Variants in PAFAH1B2 observed in about 807,000 individuals in gnomAD.
The protein encoded by PAFAH1B2 is platelet-activating factor acetylhydrolase IB subunit alpha2.
In PAFAH1B2, 8 loss-of-function variants were observed where a neutral mutation model predicts 28.0. The observed-to-expected ratio is 0.29, with a 90% CI of 0.17 to 0.52. PAFAH1B2 has a LOEUF of 0.52. Ranked by LOEUF, PAFAH1B2 falls within the 20% of genes least tolerant of loss-of-function variation. The probability of loss-of-function intolerance (pLI) is 0.97; values close to 1 mark genes in which losing one functional copy is unlikely to be tolerated. For synonymous variants in PAFAH1B2, 104 were observed against 103.2 expected, an observed-to-expected ratio of 1.01 and a Z score of -0.05; for missense variants, 190 against 282.6, an observed-to-expected ratio of 0.67 and a Z score of 2.35.
At chr11:117,154,497 A>G (rs866770696) in intron 2 of PAFAH1B2, among the ~76,000 whole-genome samples, 1 of 152,226 alleles carries the variant, frequency 6.6e-6, no homozygotes, top group Admixed American at 6.5e-5. Context: ...AGCTTGCACC[A>G]TTACAGCTTG....
At chr11:117,147,532 C>T (rs1591727465) in intron 1 of PAFAH1B2, among the ~76,000 whole-genome samples, 2 of 152,286 alleles carry the variant, frequency 1.3e-5, no homozygotes, top group East Asian at 3.9e-4. Flanking sequence ...TTGTTTTAAT[C>T]CTCTATATGC....
At chr11:117,164,057 A>G (rs1448330629) in intron 5 of PAFAH1B2, 165 bp downstream of exon 5, 16 of 652,964 alleles carry the variant, frequency 2.5e-5, no homozygotes, top group Non-Finnish European at 3.6e-5. Flanking sequence ...TACTGGTTTC[A>G]TCATTCCCCA....
At chr11:117,156,577 G>A (rs911187146) in intron 2 of PAFAH1B2, among the ~76,000 whole-genome samples, 2 of 152,306 alleles carry the variant, frequency 1.3e-5, no homozygotes, top group South Asian at 2.1e-4. Context: ...CTAGGTTAAG[G>A]TGGTAGGATT....
intron 2 of PAFAH1B2, among the ~76,000 whole-genome samples, chr11:117,153,203 T>C (rs948493650): frequency 1.3e-5 from 2 of 152,222 alleles, no homozygotes; most frequent in South Asian, 4.1e-4. Context: ...CTCTTCACCA[T>C]TCTGATGTTG....
intron 1 of PAFAH1B2, among the ~76,000 whole-genome samples, chr11:117,148,313 C>A (rs1158085866): frequency 6.6e-6 from 1 of 152,028 alleles, no homozygotes; most frequent in East Asian, 1.9e-4. Flanking sequence ...TCGGCCCCCC[C>A]AAAATGCTGG....
intron 5 of PAFAH1B2, among the ~76,000 whole-genome samples, chr11:117,165,345 G>T (rs1235595728): frequency 1.2e-5 from 1 of 80,912 alleles, no homozygotes; most frequent in Non-Finnish European, 2.5e-5. Flanking sequence ...GCAAAACTCG[G>T]TCTCAAAAAA....
intron 2 of PAFAH1B2, chr11:117,159,388 A>G (rs1290480204): frequency 6.6e-6 from 1 of 152,244 alleles, no homozygotes; most frequent in East Asian, 1.9e-4. Flanking sequence ...TGTTCTTTCT[A>G]GGCCAAGAAG....
At chr11:117,155,185 C>T (rs1956232012) in intron 2 of PAFAH1B2, among the ~76,000 whole-genome samples, 1 of 152,040 alleles carries the variant, frequency 6.6e-6, no homozygotes, top group African/African-American at 2.4e-5. Flanking sequence ...GAACTCCTGA[C>T]CTCAGGTGAT....
In PAFAH1B2 at chr11:117,167,526, C is replaced by T; in HGVS notation, c.517C>T (p.Leu173=). ...GCCGAAGCTTGCCAACGTGCAGCTC[C>T]TGGATACCGACGGGGGTTTTGTGCA... ...SLPKLANVQL[L]DTDGGFVHSD... is the part of the protein sequence containing the mutation. The change falls in exon 6 of 6, where the codon CTG becomes TTG. Residue 173 remains leucine (L), a synonymous_variant. Coordinates refer to ENST00000527958, the MANE Select transcript of PAFAH1B2 (RefSeq NM_002572.4). 3 of 1,613,068 alleles carry T rather than the reference C, an allele frequency of 1.9e-6. No individual in the cohort carries two copies. Among genetic ancestry groups the T allele is most frequent in the Non-Finnish European group, 2.5e-6 (3 of 1,179,416 alleles).
At chr11:117,172,364 A>T (rs1394557267), downstream of PAFAH1B2, among the ~76,000 whole-genome samples, 1 of 2,728 alleles carries the variant, frequency 3.7e-4, no homozygotes. Flanking sequence ...ATATATATAT[A>T]TATATATATA....
chr11:117,149,022 A>G (rs1956080152), intron 1 of PAFAH1B2, among the ~76,000 whole-genome samples: 1 of 140,536 alleles, frequency 7.1e-6, no homozygotes, highest in Non-Finnish European at 1.5e-5. Flanking sequence ...CACGCACCAC[A>G]ACACCTGCCA....
At chr11:117,175,720 G>A, downstream of PAFAH1B2, 1 of 1,135,440 alleles carries the variant, frequency 8.8e-7, no homozygotes, top group Non-Finnish European at 1.2e-6. Context: ...TAAGTGTGAA[G>A]TAGGACTCTG....
chr11:117,157,049 AAG>A (rs1565266096), intron 2 of PAFAH1B2, among the ~76,000 whole-genome samples: 3 of 149,874 alleles, frequency 2.0e-5, no homozygotes, highest in South Asian at 2.1e-4. Context: ...GAAAAAAAAA[AAG>A]AAAGGTAGTT....
chr11:117,148,924 G>A (rs1956076847), intron 1 of PAFAH1B2, among the ~76,000 whole-genome samples: 1 of 152,004 alleles, frequency 6.6e-6, no homozygotes. Context: ...CGGGAGTGCA[G>A]TAGCATGATC....
At chr11:117,160,149 A>G in intron 3 of PAFAH1B2, 126 bp downstream of exon 3, 1 of 704,942 alleles carries the variant, frequency 1.4e-6, no homozygotes, top group Non-Finnish European at 2.5e-6. Context: ...TTGAGGTTAT[A>G]AGAGAATCAA....
intron 1 of PAFAH1B2, among the ~76,000 whole-genome samples, chr11:117,151,401 T>C (rs1956148779): frequency 6.6e-6 from 1 of 151,930 alleles, no homozygotes; most frequent in Non-Finnish European, 1.5e-5. Flanking sequence ...AGCTAATTTT[T>C]TGTATTTTTA....
At position 117,170,146 on chromosome 11, in the gene PAFAH1B2, T is replaced by C. The variant is rs1194417441; in HGVS notation, c.*2447T>C. The stretch of plus-strand genomic sequence containing the variant: ...TAGGTAAAAATAGTTAATCTATTTT[T>C]CTTTGACATCCTAGTTTGCGTCAGT... On this transcript the variant is annotated 3_prime_UTR_variant, in exon 6 of 6. Coordinates refer to ENST00000527958, the MANE Select transcript of PAFAH1B2 (RefSeq NM_002572.4). 2 of 1,055,346 alleles carry C rather than the reference T, an allele frequency of 1.9e-6. No homozygotes were observed. The highest frequency in any genetic ancestry group is 3.3e-5 in the African/African-American group (2 of 60,590). The allele number at this position is 1,055,346 out of a possible 1,614,324, so 65.4% of individuals were successfully genotyped here.
At chr11:117,172,686 C>G (rs1956700060), downstream of PAFAH1B2, among the ~76,000 whole-genome samples, 1 of 152,078 alleles carries the variant, frequency 6.6e-6, no homozygotes, top group African/African-American at 2.4e-5. Context: ...GCTCTTACCC[C>G]TTTGCTGGTC....
chr11:117,174,113 C>T (rs1414333200), downstream of PAFAH1B2, among the ~76,000 whole-genome samples: 2 of 150,904 alleles, frequency 1.3e-5, no homozygotes, highest in African/African-American at 4.9e-5. Flanking sequence ...TCAGCTAATC[C>T]ATTTACTGTG....
Sources: gnomAD v4.1 joint callset for allele counts (sites outside exome capture counted in the v4.1 genomes callset) on GRCh38, gnomAD v4.1.1 for gene constraint, MANE v1.5 for transcripts, NCBI Gene and HGNC (gene_info 2026-07-23, HGNC 2026-07-21) for gene names.